PADI3: variants seen among roughly 807,000 people sequenced by gnomAD.
PADI3 encodes protein-arginine deiminase type-3.
A neutral mutation model predicts 71.5 loss-of-function variants in PADI3; 53 were observed. The observed-to-expected ratio is 0.74, with a 90% CI of 0.59 to 0.93. The LOEUF is 0.93. Ranked by LOEUF, PADI3 falls within the 40% of genes least tolerant of loss-of-function variation. PADI3 has a pLI of 0.00. For synonymous variants in PADI3, 361 were observed against 347.5 expected (o/e 1.04, Z -0.43); for missense variants, 821 against 868.0 (o/e 0.95, Z 0.68).
intron 13 of PADI3, among the ~76,000 whole-genome samples, chr1:17,277,238 A>G (rs187773663): frequency 6.6e-6 from 1 of 150,774 alleles, no homozygotes; most frequent in East Asian, 2.0e-4. Flanking sequence ...CTTGTTGCCC[A>G]GGCTGGAGTG....
chr1:17,266,293 C>T (rs764115791), intron 4 of PADI3, among the ~76,000 whole-genome samples: 7 of 151,996 alleles, frequency 4.6e-5, no homozygotes, highest in South Asian at 2.1e-4. Context: ...AGGAGAAGGT[C>T]GAGGTGGGCT....
intron 3 of PADI3, 45 bp downstream of exon 3, chr1:17,262,250 A>G (rs2073111987): frequency 1.4e-6 from 2 of 1,448,656 alleles, no homozygotes; most frequent in South Asian, 2.5e-5. Flanking sequence ...GGCACATTTG[A>G]AAAATTCAAG....
chr1:17,271,396 G>C (rs1399184977), intron 9 of PADI3, among the ~76,000 whole-genome samples: 1 of 152,230 alleles, frequency 6.6e-6, no homozygotes, highest in Non-Finnish European at 1.5e-5. Flanking sequence ...ATCTGGGCTA[G>C]GCACTAGGCT....
intron 3 of PADI3, among the ~76,000 whole-genome samples, 171 bp downstream of exon 3, chr1:17,262,376 T>TA (rs1258704921): frequency 1.3e-5 from 2 of 152,236 alleles, no homozygotes; most frequent in Non-Finnish European, 2.9e-5. Flanking sequence ...TGAAAGCACA[T>TA]ACATACCTGT....
Position 17,283,059 on chromosome 1 carries a change from T to C in PADI3, c.1975T>C (p.Trp659Arg), listed in dbSNP as rs140920895. ...NVCRKPFSFK[W>R]WNMVP ...GTGCAGAAAGCCCTTCTCTTTCAAG[T>C]GGTGGAACATGGTGCCCTGAGACAG... Residue 659 changes from tryptophan (W) to arginine (R), a missense_variant, in exon 16 of 16, where the codon TGG (tryptophan) becomes CGG (arginine). Trp to Arg is a moderately radical substitution (Grantham distance 101). Coordinates refer to ENST00000375460, the MANE Select transcript of PADI3 (RefSeq NM_016233.2). The C allele has an allele frequency of 2.5e-6, 4 of 1,613,856 alleles. No homozygotes were observed. The highest frequency in any genetic ancestry group is 1.7e-5 in the Admixed American group (1 of 60,004).
rs146472416 is a variant in PADI3 at position 17,259,652 on chromosome 1, T to C, written c.167T>C (p.Met56Thr). Residue 56 changes from methionine (M) to threonine (T), a missense_variant, in exon 2 of 16, where the codon ATG (methionine) becomes ACG (threonine). Physicochemically the swap from Met to Thr is moderately conservative, Grantham distance 81. Coordinates refer to ENST00000375460, the MANE Select transcript of PADI3 (RefSeq NM_016233.2). The part of the protein sequence containing the change: ...PGVDIYISPN[M>T]ERGRERADTR... ...GTGGACATCTACATCTCTCCCAACA[T>C]GGAGAGGGGCCGGGAGCGTGCAGAC... The C allele has an allele frequency of 3.3e-5, 54 of 1,613,568 alleles. No individual in the cohort carries two copies. Among genetic ancestry groups the C allele is most frequent in the Non-Finnish European group, 4.5e-5 (53 of 1,179,722 alleles).
At chr1:17,266,456 T>C (rs2073169663) in intron 4 of PADI3, among the ~76,000 whole-genome samples, 1 of 152,216 alleles carries the variant, frequency 6.6e-6, no homozygotes, top group South Asian at 2.1e-4. Context: ...CGTGTGGTCC[T>C]ATAATCAGGT....
At chr1:17,252,070 T>C (rs2072972351) in intron 1 of PADI3, among the ~76,000 whole-genome samples, 1 of 152,220 alleles carries the variant, frequency 6.6e-6, no homozygotes, top group Non-Finnish European at 1.5e-5. Context: ...GAATTGGAGA[T>C]GACCCAGGCA....
intron 2 of PADI3, among the ~76,000 whole-genome samples, chr1:17,260,015 C>T (rs1423388270): frequency 2.0e-5 from 3 of 152,168 alleles, no homozygotes; most frequent in Non-Finnish European, 4.4e-5. Context: ...CCCCTGTCTC[C>T]TATCATTGCT....
chr1:17,262,069 G>C (rs2073108754), intron 2 of PADI3, 64 bp from the exon 3 acceptor site: 5 of 1,439,828 alleles, frequency 3.5e-6, no homozygotes. Flanking sequence ...ATCCCCGAGA[G>C]CTATCTTTTG....
At chr1:17,250,656 G>A (rs1310434673) in intron 1 of PADI3, among the ~76,000 whole-genome samples, 1 of 152,090 alleles carries the variant, frequency 6.6e-6, no homozygotes, top group African/African-American at 2.4e-5. Context: ...TTGAAGGAAG[G>A]GGCAGCCACG....
chr1:17,276,832 A>G lies in PADI3; in HGVS notation c.1511A>G (p.Gln504Arg). 6.2e-7 allele frequency: 1 copy of G among 1,613,706 alleles called. No homozygotes were observed. The highest frequency in any genetic ancestry group is 8.5e-7 in the Non-Finnish European group (1 of 1,179,852). Reference sequence around the variant, plus strand: ...TGCTTCAAGCTCTTCCAGGAAAAGCAGAAGTGTGGCCACGGGAGGGCCCTC... The same window carrying G: ...TGCTTCAAGCTCTTCCAGGAAAAGCGGAAGTGTGGCCACGGGAGGGCCCTC... ...GACFKLFQEK[Q>R]KCGHGRALLF... The change falls in exon 13 of 16, where the codon CAG becomes CGG. Residue 504 changes from glutamine (Q) to arginine (R), a missense_variant. Coordinates refer to ENST00000375460, the MANE Select transcript of PADI3 (RefSeq NM_016233.2).
rs1006189525 is a variant in PADI3, at chr1:17,270,179, T to A, written c.653-54T>A. On this transcript the variant is annotated intron_variant, in intron 6 of 15. Transcript: ENST00000375460. ...AGACCTCTTCCTGTGTCCCTCATACTCATGCTCCCTGGGCCCACAGGGAGT... is the reference window on the plus strand; with the variant it reads ...AGACCTCTTCCTGTGTCCCTCATACACATGCTCCCTGGGCCCACAGGGAGT... 4 of 1,555,658 alleles carry A rather than the reference T, an allele frequency of 2.6e-6. No homozygotes were observed. In the African/African-American group the frequency reaches 5.5e-5, roughly 21 times the overall value.
intron 8 of PADI3, 40 bp from the exon 9 acceptor site, chr1:17,271,027 G>A (rs368973782): frequency 1.8e-5 from 29 of 1,613,194 alleles, no homozygotes; most frequent in South Asian, 4.4e-5. Flanking sequence ...CCCAGGCCCC[G>A]GCTCCATCCT....
intron 13 of PADI3, chr1:17,277,989 C>T (rs931972595): frequency 1.9e-5 from 3 of 154,354 alleles, no homozygotes; most frequent in African/African-American, 7.2e-5. Context: ...GGTCTCATAG[C>T]AGAGGCATGC....
chr1:17,265,009 C>CA (rs55683674), intron 3 of PADI3, among the ~76,000 whole-genome samples: 4,040 of 140,176 alleles, frequency 0.029, 167 homozygotes, highest in African/African-American at 0.093. Flanking sequence ...TGTCTTGTCT[C>CA]AAAAAAAAAA....
chr1:17,257,739 C>T (rs2073045975), intron 1 of PADI3, among the ~76,000 whole-genome samples: 1 of 152,200 alleles, frequency 6.6e-6, no homozygotes, highest in Non-Finnish European at 1.5e-5. Flanking sequence ...GTCTGCCTTA[C>T]TCTGAGGGAA....
chr1:17,262,115 G>A lies in PADI3; in HGVS notation c.274-18G>A. 1 of 1,611,786 alleles carries A rather than the reference G, an allele frequency of 6.2e-7. No homozygotes were observed. The highest frequency in any genetic ancestry group is 8.5e-7 in the Non-Finnish European group (1 of 1,178,734). On this transcript the variant is annotated intron_variant, in intron 2 of 15. Coordinates refer to ENST00000375460, the MANE Select transcript of PADI3 (RefSeq NM_016233.2). ...TCTTGGCTTCTGCTGGTATTACTCT[G>A]CGCCCAACTCTCCACAGGTTCAGAT... is the stretch of plus-strand genomic sequence containing the variant.
intron 13 of PADI3, among the ~76,000 whole-genome samples, chr1:17,278,503 C>T (rs1009952881): frequency 6.6e-6 from 1 of 152,162 alleles, no homozygotes; most frequent in Non-Finnish European, 1.5e-5. Flanking sequence ...TATGGGATTA[C>T]AGGTGTGAAC....
Sources: gnomAD v4.1 joint callset for allele counts (sites outside exome capture counted in the v4.1 genomes callset) on GRCh38, gnomAD v4.1.1 for gene constraint, MANE v1.5 for transcripts, NCBI Gene and HGNC (gene_info 2026-07-23, HGNC 2026-07-21) for gene names.